Variants in DEPTOR observed in about 807,000 individuals in gnomAD.
DEPTOR encodes DEP domain containing MTOR interacting protein.
DEPTOR carries 41 observed loss-of-function variants against 41.6 expected under a neutral mutation model. That is an observed-to-expected ratio of 0.98 (90% CI 0.77 to 1.28). The LOEUF (loss-of-function observed/expected upper bound fraction) is 1.28, where lower values mean the gene tolerates loss of function less well. DEPTOR is among the 50% of genes most tolerant of loss of function. The pLI is 0.00. For missense variants in DEPTOR, 514 were observed against 527.9 expected (o/e 0.97, Z 0.26); for synonymous variants, 195 against 192.3 (o/e 1.01, Z -0.12).
chr8:120,019,374 C>T (rs1586660432), intron 8 of DEPTOR, among the ~76,000 whole-genome samples: 2 of 152,298 alleles, frequency 1.3e-5, no homozygotes, highest in South Asian at 2.1e-4. Context: ...ATCAGATGTG[C>T]ACACTGGTGT....
chr8:119,978,530 G>A (rs184551120), intron 4 of DEPTOR, among the ~76,000 whole-genome samples: 5 of 152,232 alleles, frequency 3.3e-5, no homozygotes, highest in African/African-American at 1.2e-4. Context: ...GGAGACAAGG[G>A]GACCAAAAGT....
intron 1 of DEPTOR, among the ~76,000 whole-genome samples, chr8:119,890,483 A>G (rs1342288790): frequency 2.0e-5 from 3 of 151,866 alleles, no homozygotes; most frequent in Non-Finnish European, 2.9e-5. Flanking sequence ...TTGTATTTTT[A>G]GTAGAGATGG....
chr8:119,938,178 T>C (rs1277602247), intron 3 of DEPTOR, among the ~76,000 whole-genome samples: 3 of 152,134 alleles, frequency 2.0e-5, no homozygotes, highest in Non-Finnish European at 4.4e-5. Context: ...ATCATTGGAG[T>C]AACTGTAATT....
At chr8:119,918,240 GA>G (rs1276116195) in intron 1 of DEPTOR, among the ~76,000 whole-genome samples, 25 of 152,092 alleles carry the variant, frequency 1.6e-4, no homozygotes, top group Non-Finnish European at 3.7e-4. Context: ...CACAGGTGTG[GA>G]GGGGCAACCC....
At chr8:119,988,968 T>TTC (rs1363069031) in intron 4 of DEPTOR, among the ~76,000 whole-genome samples, 3 of 143,836 alleles carry the variant, frequency 2.1e-5, no homozygotes, top group Admixed American at 7.0e-5. Flanking sequence ...CTTTTTTTTT[T>TTC]TTTTTTTTTT....
chr8:119,942,547 A>G (rs931562319), intron 3 of DEPTOR, among the ~76,000 whole-genome samples: 6 of 152,150 alleles, frequency 3.9e-5, no homozygotes, highest in Non-Finnish European at 7.4e-5. Context: ...TTTGAATGGT[A>G]GACTGGACTC....
chr8:119,904,271 A>T (rs999652651), intron 1 of DEPTOR, among the ~76,000 whole-genome samples: 20 of 151,940 alleles, frequency 1.3e-4, no homozygotes, highest in Middle Eastern at 6.8e-3. Flanking sequence ...GGTGCCTGCC[A>T]CCACGCCCAG....
chr8:120,015,534 CAAT>C (rs1479210184), intron 8 of DEPTOR, among the ~76,000 whole-genome samples: 1 of 152,144 alleles, frequency 6.6e-6, no homozygotes, highest in Non-Finnish European at 1.5e-5. Flanking sequence ...TATATCCCAA[CAAT>C]GATGATATGG....
At chr8:119,901,336 C>T (rs1038751194) in intron 1 of DEPTOR, among the ~76,000 whole-genome samples, 1 of 152,068 alleles carries the variant, frequency 6.6e-6, no homozygotes, top group Non-Finnish European at 1.5e-5. Context: ...TGAGAAGATG[C>T]ACAAACATAT....
intron 1 of DEPTOR, among the ~76,000 whole-genome samples, chr8:119,915,025 G>A (rs1000035153): frequency 6.6e-6 from 1 of 152,104 alleles, no homozygotes; most frequent in African/African-American, 2.4e-5. Context: ...GGAGGGCAGT[G>A]GCACAATCTC....
At chr8:119,956,818 T>C (rs542963990) in intron 3 of DEPTOR, among the ~76,000 whole-genome samples, 1 of 149,712 alleles carries the variant, frequency 6.7e-6, no homozygotes, top group East Asian at 2.0e-4. Flanking sequence ...CACTGTAACG[T>C]CTGCCTCCTG....
At position 119,928,490 on chromosome 8, in the gene DEPTOR, C is replaced by T. The variant is rs1371644654; in HGVS notation, c.213C>T (p.Asp71=). The change falls in exon 2 of 9, where the codon GAC becomes GAT. Residue 71 remains aspartate, a synonymous_variant. Transcript: ENST00000286234. ...PNCFVAKELI[D]WLIEHKEASD... ...GTTTTGTCGCAAAAGAACTGATTGA[C>T]TGGCTGATTGAACACAAAGAGGCTT... 1.2e-6 allele frequency: 2 copies of T among 1,614,058 alleles called. No homozygotes were observed. The highest frequency in any genetic ancestry group is 3.3e-5 in the Admixed American group (2 of 59,998).
At chr8:119,885,373 C>T (rs571320393) in intron 1 of DEPTOR, among the ~76,000 whole-genome samples, 2 of 152,210 alleles carry the variant, frequency 1.3e-5, no homozygotes. Flanking sequence ...CTATTTTGTT[C>T]TGAGGAACTG....
intron 1 of DEPTOR, among the ~76,000 whole-genome samples, chr8:119,925,356 C>T (rs1827950159): frequency 6.6e-6 from 1 of 152,052 alleles, no homozygotes; most frequent in Non-Finnish European, 1.5e-5. Flanking sequence ...CACCACTGCA[C>T]TCCAGCCTGG....
At chr8:119,991,030 T>TTTTCTTTCTTTCTTTC (rs747315642) in intron 4 of DEPTOR, among the ~76,000 whole-genome samples, 2,705 of 53,460 alleles carry the variant, frequency 0.051, 100 homozygotes, top group African/African-American at 0.063. Context: ...TCGGGTTTTC[T>TTTTCTTTCTTTCTTTC]TTTCTTTCTT....
At chr8:119,954,845 G>GGTGTGTGTGTGTGTGTGTGTGTGT (rs10649943) in intron 3 of DEPTOR, among the ~76,000 whole-genome samples, 6 of 147,948 alleles carry the variant, frequency 4.1e-5, no homozygotes, top group Admixed American at 1.4e-4. Flanking sequence ...GGCAAATATT[G>GGTGTGTGTGTGTGTGTGTGTGTGT]GTGTGTGTGT....
At chr8:120,027,422 A>G (rs966207921) in intron 8 of DEPTOR, among the ~76,000 whole-genome samples, 3 of 151,738 alleles carry the variant, frequency 2.0e-5, no homozygotes, top group African/African-American at 4.8e-5. Flanking sequence ...AGTAAATTCT[A>G]GGCCGGGCTC....
At chr8:119,937,231 C>T (rs975662370) in intron 3 of DEPTOR, among the ~76,000 whole-genome samples, 1 of 151,912 alleles carries the variant, frequency 6.6e-6, no homozygotes, top group Non-Finnish European at 1.5e-5. Context: ...GAAACCCAGT[C>T]TCTACTAAAA....
chr8:119,989,590 G>A (rs972714434), intron 4 of DEPTOR, among the ~76,000 whole-genome samples: 1 of 152,056 alleles, frequency 6.6e-6, no homozygotes, highest in Non-Finnish European at 1.5e-5. Flanking sequence ...CTGTAAACTG[G>A]GAATCATAAT....
Sources: gnomAD v4.1 joint callset for allele counts (sites outside exome capture counted in the v4.1 genomes callset) on GRCh38, gnomAD v4.1.1 for gene constraint, MANE v1.5 for transcripts, NCBI Gene and HGNC (gene_info 2026-07-23, HGNC 2026-07-21) for gene names.